The following FLRT2 variants were observed in gnomAD, a reference collection of about 807,000 sequenced individuals.
FLRT2 encodes leucine-rich repeat transmembrane protein FLRT2.
In FLRT2, 15 loss-of-function variants were observed where a neutral mutation model predicts 40.0. The ratio of observed to expected loss-of-function variants is 0.38; its 90% CI spans 0.25 to 0.58. The LOEUF (loss-of-function observed/expected upper bound fraction) is 0.58. Ranked by LOEUF, FLRT2 falls within the 20% of genes least tolerant of loss-of-function variation. The pLI, the probability that FLRT2 is intolerant of heterozygous loss-of-function variation, is 0.71. For synonymous variants in FLRT2, 380 were observed against 336.8 expected, an observed-to-expected ratio of 1.13 and a Z score of -1.41; for missense variants, 726 against 840.0, an observed-to-expected ratio of 0.86 and a Z score of 1.68.
intron 1 of FLRT2, among the ~76,000 whole-genome samples, chr14:85,593,082 AACAT>A (rs1365098630): frequency 6.6e-6 from 1 of 152,354 alleles, no homozygotes; most frequent in East Asian, 1.9e-4. Context: ...GGATATGGGT[AACAT>A]TTCCTTTTCT....
chr14:85,544,958 C>A (rs114363215), intron 1 of FLRT2, among the ~76,000 whole-genome samples: 2 of 152,084 alleles, frequency 1.3e-5, no homozygotes, highest in Non-Finnish European at 2.9e-5. Context: ...TATGCCCCTT[C>A]CTAGCCTTTG....
intron 1 of FLRT2, among the ~76,000 whole-genome samples, chr14:85,582,595 T>A (rs368559965): frequency 6.6e-6 from 1 of 152,066 alleles, no homozygotes; most frequent in East Asian, 1.9e-4. Flanking sequence ...GACCTTATAA[T>A]CCTACTGTGT....
intron 1 of FLRT2, among the ~76,000 whole-genome samples, chr14:85,605,200 A>T (rs1383341104): frequency 1.3e-5 from 2 of 152,110 alleles, no homozygotes; most frequent in Non-Finnish European, 2.9e-5. Flanking sequence ...GGGAGCCCAG[A>T]GTTTTGTTTT....
At chr14:85,532,145 T>G (rs538651401) in intron 1 of FLRT2, among the ~76,000 whole-genome samples, 1 of 152,228 alleles carries the variant, frequency 6.6e-6, no homozygotes, top group South Asian at 2.1e-4. Context: ...CCTCAGCCTG[T>G]GGCGGCCACT....
intron 1 of FLRT2, among the ~76,000 whole-genome samples, chr14:85,583,461 C>T (rs1330198985): frequency 2.0e-5 from 3 of 152,086 alleles, no homozygotes; most frequent in Non-Finnish European, 4.4e-5. Flanking sequence ...GTCCCATGAA[C>T]AGAATTCAAA....
chr14:85,614,398 A>G (rs1048214672), intron 1 of FLRT2, among the ~76,000 whole-genome samples: 1 of 151,990 alleles, frequency 6.6e-6, no homozygotes, highest in Non-Finnish European at 1.5e-5. Context: ...TAAAATTCAG[A>G]GAGGTTAAGT....
rs1268454997 is a variant in FLRT2 at position 85,637,214 on chromosome 14, C to T, written c.*13717C>T. The T allele has an allele frequency of 6.6e-6, 1 of 152,016 alleles. No individual in the cohort carries two copies. Among genetic ancestry groups the T allele is most frequent in the African/African-American group, 2.4e-5 (1 of 41,404 alleles). The allele number at this position is 152,016 out of a possible 1,614,324, so 9.4% of individuals were successfully genotyped here. ...ATCTAGACAAAGAAGTTATTAAAAG[C>T]ATTAACAAGTAGTTGAAAATATTAT... On this transcript the variant is annotated 3_prime_UTR_variant, in exon 2 of 2. Coordinates refer to ENST00000330753, the MANE Select transcript of FLRT2 (RefSeq NM_013231.6).
intron 1 of FLRT2, among the ~76,000 whole-genome samples, chr14:85,571,826 T>C (rs1890904832): frequency 6.6e-6 from 1 of 152,192 alleles, no homozygotes; most frequent in Admixed American, 6.5e-5. Flanking sequence ...TGTCAAGAGA[T>C]ACCATTGTTT....
At chr14:85,548,945 A>G (rs1013917450) in intron 1 of FLRT2, among the ~76,000 whole-genome samples, 6 of 152,174 alleles carry the variant, frequency 3.9e-5, no homozygotes, top group Non-Finnish European at 7.3e-5. Flanking sequence ...AGAAGAGAAG[A>G]AGTAGCTGGA....
intron 1 of FLRT2, among the ~76,000 whole-genome samples, chr14:85,571,197 G>A (rs7152571): frequency 0.23 from 34,882 of 151,910 alleles, 5,033 homozygotes; most frequent in African/African-American, 0.4. Context: ...TGTAGAAAAC[G>A]ATGTCATCTT....
intron 1 of FLRT2, among the ~76,000 whole-genome samples, chr14:85,581,316 C>A (rs868141049): frequency 1.3e-5 from 2 of 152,210 alleles, no homozygotes; most frequent in African/African-American, 4.8e-5. Flanking sequence ...GCAAGCAGTG[C>A]TCTGAATGAC....
chr14:85,582,274 G>A (rs1299358203), intron 1 of FLRT2, among the ~76,000 whole-genome samples: 8 of 152,182 alleles, frequency 5.3e-5, no homozygotes, highest in Non-Finnish European at 1.2e-4. Flanking sequence ...GTATATGCAT[G>A]CAGGGTGTAG....
At chr14:85,568,845 C>T (rs1350680254) in intron 1 of FLRT2, among the ~76,000 whole-genome samples, 2 of 152,170 alleles carry the variant, frequency 1.3e-5, no homozygotes, top group East Asian at 1.9e-4. Flanking sequence ...CAGAAGTTAA[C>T]ATATGTGGTA....
chr14:85,583,827 G>A (rs569694520), intron 1 of FLRT2, among the ~76,000 whole-genome samples: 18 of 152,274 alleles, frequency 1.2e-4, no homozygotes, highest in Non-Finnish European at 2.5e-4. Flanking sequence ...ATATATGGAT[G>A]TTTTAAGAAT....
chr14:85,547,608 C>A (rs561289978), intron 1 of FLRT2, among the ~76,000 whole-genome samples: 2 of 152,266 alleles, frequency 1.3e-5, no homozygotes, highest in Admixed American at 1.3e-4. Flanking sequence ...AGGCTTGAGC[C>A]ACCTTGCTCG....
At chr14:85,620,477 A>ATT (rs1893332627) in intron 1 of FLRT2, among the ~76,000 whole-genome samples, 1 of 152,202 alleles carries the variant, frequency 6.6e-6, no homozygotes, top group Non-Finnish European at 1.5e-5. Flanking sequence ...TCCATTAAGC[A>ATT]TGAATAAGGT....
chr14:85,637,915 C>T lies in FLRT2; in HGVS notation c.*14418C>T, dbSNP rs1894047754. 1 of 152,152 alleles carries T rather than the reference C, an allele frequency of 6.6e-6. No individual in the cohort carries two copies. The highest frequency in any genetic ancestry group is 6.5e-5 in the Admixed American group (1 of 15,284). The allele number at this position is 152,152 out of a possible 1,614,324, so 9.4% of individuals were successfully genotyped here. A position where few individuals can be genotyped will look rare whatever the true frequency, so the allele number is the denominator to read the frequency against. ...GTCATTTAAAGGGAATTTAAATTCT[C>T]TCTTGTCCTTACTCTGCTCCACCAT... On this transcript the variant is annotated 3_prime_UTR_variant, in exon 2 of 2. Transcript: ENST00000330753.
rs928176461 is a variant in FLRT2 at position 85,647,897 on chromosome 14, A to T, written c.*24400A>T. On this transcript the variant is annotated 3_prime_UTR_variant, in exon 2 of 2. Coordinates refer to ENST00000330753, the MANE Select transcript of FLRT2 (RefSeq NM_013231.6). ...AATATGAAATAGGAAGAGGATAAAC[A>T]GTGTCATAAACAACTGTGATCTTAT... 2 of 152,176 alleles carry T rather than the reference A, an allele frequency of 1.3e-5. No individual in the cohort carries two copies. The highest frequency in any genetic ancestry group is 1.9e-4 in the East Asian group (1 of 5,190). 9.4% of individuals were successfully genotyped at this position (152,176 alleles called of 1,614,324 possible).
intron 1 of FLRT2, among the ~76,000 whole-genome samples, chr14:85,598,936 G>C (rs866724107): frequency 3.9e-5 from 1 of 25,792 alleles, no homozygotes; most frequent in Non-Finnish European, 7.7e-5. Context: ...TTTTTTTTTT[G>C]AGACGGAGTC....
Sources: gnomAD v4.1 joint callset for allele counts (sites outside exome capture counted in the v4.1 genomes callset) on GRCh38, gnomAD v4.1.1 for gene constraint, MANE v1.5 for transcripts, NCBI Gene and HGNC (gene_info 2026-07-23, HGNC 2026-07-21) for gene names.